RBFOX1: variants seen among roughly 807,000 people sequenced by gnomAD.
RBFOX1 encodes the protein RNA binding fox-1 homolog 1, also known as RNA binding protein fox-1 homolog 1.
RBFOX1 carries 8 observed loss-of-function variants against 57.7 expected under a neutral mutation model. That is an observed-to-expected ratio of 0.14 (90% CI 0.08 to 0.25). RBFOX1 has a LOEUF of 0.25. Among genes scored for constraint, RBFOX1 ranks in the 10% least tolerant of loss-of-function variants. The pLI is 1.00. For synonymous variants in RBFOX1, 326 were observed against 222.4 expected (o/e 1.47, Z -4.15); for missense variants, 611 against 548.5 (o/e 1.11, Z -1.14).
intron 1 of RBFOX1, among the ~76,000 whole-genome samples, chr16:5,388,749 G>A (rs2066322522): frequency 6.6e-6 from 1 of 151,152 alleles, no homozygotes; most frequent in Admixed American, 6.6e-5. Flanking sequence ...TAATTTTTTT[G>A]TAATTTTAAT....
At chr16:6,666,114 G>A (rs1314402981) in intron 3 of RBFOX1, among the ~76,000 whole-genome samples, 10 of 152,096 alleles carry the variant, frequency 6.6e-5, no homozygotes, top group Non-Finnish European at 1.3e-4. Context: ...CTCCCATCAT[G>A]GTTATGAGAC....
At chr16:7,106,975 C>T (rs971037870) in intron 4 of RBFOX1, among the ~76,000 whole-genome samples, 4 of 67,382 alleles carry the variant, frequency 5.9e-5, no homozygotes, top group African/African-American at 2.4e-4. Context: ...ATGTAAGCCA[C>T]ACAGTTAAAA....
rs549087618 is a variant in RBFOX1, at chr16:7,183,991, G to C, written c.27+131893G>C. The stretch of plus-strand genomic sequence containing the variant: ...CGTCATTAAAGAACTGAAATAGGAT[G>C]ATGTGAACTGAAATGATGAGGGGCG... On this transcript the variant is annotated intron_variant, in intron 4 of 15. Transcript: ENST00000550418. Among the ~76,000 whole-genome samples, 20 of 152,300 alleles carry C rather than the reference G, an allele frequency of 1.3e-4. 1 individual carries two copies. The South Asian group carries it at 3.1e-3, about 24-fold the overall frequency.
chr16:6,656,057 A>G (rs531451261), intron 3 of RBFOX1, among the ~76,000 whole-genome samples: 1 of 152,284 alleles, frequency 6.6e-6, no homozygotes, highest in Admixed American at 6.5e-5. Context: ...AAGGAATTTC[A>G]ATTCATGTTT....
At chr16:6,765,633 A>C (rs565460906) in intron 3 of RBFOX1, among the ~76,000 whole-genome samples, 21 of 152,314 alleles carry the variant, frequency 1.4e-4, no homozygotes, top group Non-Finnish European at 2.2e-4. Flanking sequence ...TCGGTACAGC[A>C]ATCACTCTAC....
At chr16:7,241,225 G>A (rs1045062280) in intron 4 of RBFOX1, among the ~76,000 whole-genome samples, 1 of 152,092 alleles carries the variant, frequency 6.6e-6, no homozygotes, top group African/African-American at 2.4e-5. Flanking sequence ...TAAATCACAC[G>A]GAGTTTTTAT....
chr16:7,120,342 A>G (rs1222060177), intron 4 of RBFOX1, among the ~76,000 whole-genome samples: 3 of 151,550 alleles, frequency 2.0e-5, no homozygotes, highest in Non-Finnish European at 4.4e-5. Flanking sequence ...TAAATGTAAG[A>G]TTAAAAAAAT....
chr16:6,778,780 A>G (rs981304221), intron 3 of RBFOX1, among the ~76,000 whole-genome samples: 76 of 152,156 alleles, frequency 5.0e-4, no homozygotes, highest in African/African-American at 1.6e-3. Context: ...ATCGCACACA[A>G]TAAATCCACC....
intron 4 of RBFOX1, among the ~76,000 whole-genome samples, chr16:7,366,303 T>C (rs1490847904): frequency 1.3e-5 from 2 of 152,220 alleles, no homozygotes; most frequent in African/African-American, 4.8e-5. Context: ...CACTTAGCCA[T>C]TGCCAGATCG....
intron 2 of RBFOX1, among the ~76,000 whole-genome samples, chr16:6,651,815 A>G (rs1568051317): frequency 6.6e-6 from 1 of 152,188 alleles, no homozygotes; most frequent in Non-Finnish European, 1.5e-5. Flanking sequence ...CCAAATATCT[A>G]TCCACAGATG....
At chr16:6,935,597 C>A (rs944227484) in intron 3 of RBFOX1, among the ~76,000 whole-genome samples, 6 of 152,178 alleles carry the variant, frequency 3.9e-5, no homozygotes, top group Non-Finnish European at 7.3e-5. Context: ...TGTGACCTAT[C>A]CCCATTGTGC....
At chr16:6,533,261 A>G (rs2096685613) in intron 2 of RBFOX1, among the ~76,000 whole-genome samples, 1 of 152,242 alleles carries the variant, frequency 6.6e-6, no homozygotes, top group African/African-American at 2.4e-5. Flanking sequence ...TTTCTAAGTA[A>G]CCTATGCACA....
intron 3 of RBFOX1, among the ~76,000 whole-genome samples, chr16:5,702,291 G>C (rs1281966895): frequency 6.6e-6 from 1 of 152,208 alleles, no homozygotes; most frequent in East Asian, 1.9e-4. Flanking sequence ...GCAGGAGATA[G>C]AGCAAAAGGG....
intron 1 of RBFOX1, among the ~76,000 whole-genome samples, chr16:5,305,162 T>C (rs538597926): frequency 6.6e-6 from 1 of 152,252 alleles, no homozygotes; most frequent in South Asian, 2.1e-4. Flanking sequence ...TTTGGTCAGA[T>C]CAGCCTGGGA....
intron 3 of RBFOX1, among the ~76,000 whole-genome samples, chr16:5,670,777 A>G (rs1452301896): frequency 6.6e-6 from 1 of 152,248 alleles, no homozygotes; most frequent in East Asian, 1.9e-4. Flanking sequence ...CAAACTTGGA[A>G]GTGTATCAAC....
intron 3 of RBFOX1, among the ~76,000 whole-genome samples, chr16:6,996,491 G>A (rs549342159): frequency 6.6e-5 from 10 of 152,212 alleles, no homozygotes; most frequent in East Asian, 1.9e-4. Context: ...ATCTGGACAC[G>A]CATATTTGTT....
chr16:5,606,001 C>A (rs1204459900), intron 3 of RBFOX1, among the ~76,000 whole-genome samples: 8 of 152,182 alleles, frequency 5.3e-5, no homozygotes, highest in African/African-American at 1.7e-4. Context: ...CCTCCCTCTT[C>A]CCTGGCATCC....
At chr16:6,793,914 G>T (rs983455879) in intron 3 of RBFOX1, among the ~76,000 whole-genome samples, 1 of 152,128 alleles carries the variant, frequency 6.6e-6, no homozygotes, top group East Asian at 1.9e-4. Context: ...CTCTTGAGCA[G>T]TAGTCCAGGG....
chr16:5,866,393 A>T (rs1330883395), intron 3 of RBFOX1, among the ~76,000 whole-genome samples: 1 of 152,210 alleles, frequency 6.6e-6, no homozygotes, highest in African/African-American at 2.4e-5. Context: ...TTAGGGGTTC[A>T]TTATATGAAT....
Sources: gnomAD v4.1 joint callset for allele counts (sites outside exome capture counted in the v4.1 genomes callset) on GRCh38, gnomAD v4.1.1 for gene constraint, MANE v1.5 for transcripts, NCBI Gene and HGNC (gene_info 2026-07-23, HGNC 2026-07-21) for gene names.